LPAR3: variants seen among roughly 807,000 people sequenced by gnomAD.
LPAR3 encodes lysophosphatidic acid receptor 3.
In LPAR3, 7 loss-of-function variants were observed where a neutral mutation model predicts 17.8. The observed-to-expected ratio is 0.39, with a 90% CI of 0.22 to 0.74. The LOEUF is 0.74. Among genes scored for constraint, LPAR3 ranks in the 30% least tolerant of loss-of-function variants. The pLI is 0.40. For missense variants in LPAR3, 391 were observed against 453.4 expected, an observed-to-expected ratio of 0.86 and a Z score of 1.25; for synonymous variants, 179 against 179.9, an observed-to-expected ratio of 0.99 and a Z score of 0.04.
At chr1:84,888,571 C>T (rs1012853506) in intron 1 of LPAR3, among the ~76,000 whole-genome samples, 7 of 152,186 alleles carry the variant, frequency 4.6e-5, no homozygotes, top group African/African-American at 1.7e-4. Flanking sequence ...CTGGGGGCAG[C>T]TCCAGAATTT....
intron 2 of LPAR3, among the ~76,000 whole-genome samples, chr1:84,821,476 G>A (rs1415309451): frequency 1.3e-5 from 2 of 152,140 alleles, no homozygotes; most frequent in East Asian, 1.9e-4. Flanking sequence ...TGCTCAGGAC[G>A]GACTAGAGGT....
At position 84,861,280 on chromosome 1, in the gene LPAR3, G is replaced by A. The variant is rs576758821; in HGVS notation, c.736+4105C>T. Among the ~76,000 whole-genome samples the A allele has an allele frequency of 2.6e-5, 4 of 152,236 alleles. No individual in the cohort carries two copies. The South Asian group carries it at 8.3e-4, about 32-fold the overall frequency. On this transcript the variant is annotated intron_variant, in intron 2 of 2. Coordinates refer to ENST00000370611, the MANE Select transcript of LPAR3 (RefSeq NM_012152.3). ...TCAGGCAATTGAATTCTTACATGTA[G>A]TATGTAGGGAACTGGGGGCTTTCTC...
chr1:84,864,778 C>T (rs757492106), intron 2 of LPAR3, among the ~76,000 whole-genome samples: 16 of 151,730 alleles, frequency 1.1e-4, no homozygotes, highest in Non-Finnish European at 2.2e-4. Flanking sequence ...GTGAGTGAGG[C>T]TCCGGCAAAA....
intron 2 of LPAR3, among the ~76,000 whole-genome samples, chr1:84,848,245 A>G (rs72718718): frequency 0.012 from 1,802 of 152,312 alleles, 16 homozygotes; most frequent in South Asian, 0.034. Flanking sequence ...CATCTTATAT[A>G]GCTTCCTTCA....
chr1:84,844,502 T>C (rs1659562132), intron 2 of LPAR3, among the ~76,000 whole-genome samples: 1 of 152,238 alleles, frequency 6.6e-6, no homozygotes, highest in Non-Finnish European at 1.5e-5. Context: ...GACCTACTAA[T>C]TCTTGAATAA....
intron 2 of LPAR3, among the ~76,000 whole-genome samples, chr1:84,861,770 C>T (rs1476811911): frequency 6.6e-6 from 1 of 152,194 alleles, no homozygotes; most frequent in Non-Finnish European, 1.5e-5. Flanking sequence ...GTCCTTGACA[C>T]CAAACTGTCT....
rs918367857 is a variant in LPAR3 at position 84,813,616 on chromosome 1, A to G, written c.*230T>C. The G allele has an allele frequency of 2.8e-5, 14 of 500,738 alleles. No individual in the cohort carries two copies. Among genetic ancestry groups the G allele is most frequent in the Non-Finnish European group, 7.2e-6 (2 of 279,158 alleles). The allele number at this position is 500,738 out of a possible 1,614,324, so 31.0% of individuals were successfully genotyped here. A position where few individuals can be genotyped will look rare whatever the true frequency, so the allele number is the denominator to read the frequency against. The stretch of plus-strand genomic sequence containing the variant: ...GGAGCTCTGAGCAGTTCATAGGACA[A>G]GCAGGGACCCGCCGAACCTCTCCCG... On this transcript the variant is annotated 3_prime_UTR_variant, in exon 3 of 3. Transcript: ENST00000370611.
intron 1 of LPAR3, among the ~76,000 whole-genome samples, chr1:84,887,121 T>C (rs191208564): frequency 8.7e-4 from 132 of 152,166 alleles, no homozygotes; most frequent in African/African-American, 2.9e-3. Flanking sequence ...TCCCAGCACT[T>C]TGGGAGGCCA....
intron 2 of LPAR3, among the ~76,000 whole-genome samples, chr1:84,832,956 G>C (rs1033819992): frequency 1.3e-5 from 2 of 152,196 alleles, no homozygotes; most frequent in Non-Finnish European, 2.9e-5. Context: ...AAGTCAAAAT[G>C]TGTAAACAAA....
chr1:84,889,011 T>A (rs1196519024), intron 1 of LPAR3, among the ~76,000 whole-genome samples: 1 of 151,664 alleles, frequency 6.6e-6, no homozygotes, highest in East Asian at 1.9e-4. Flanking sequence ...TGAAGAGGGG[T>A]GACAGAATCA....
In LPAR3 at chr1:84,869,239, T is replaced by A. The variant is rs557888963; in HGVS notation, c.-18-3101A>T. ...CTTCAAAAATCTTCAAATTCAACTG[T>A]CCCTTGTCAAAACCAAAACAGTTTA... On this transcript the variant is annotated intron_variant, in intron 1 of 2. Transcript: ENST00000370611. 1.7e-4 allele frequency among the ~76,000 whole-genome samples: 26 copies of A among 152,296 alleles called. 1 individual carries two copies. The South Asian group carries it at 5.4e-3, about 32-fold the overall frequency.
At position 84,880,747 on chromosome 1, in the gene LPAR3, C is replaced by G. The variant is rs190458398; in HGVS notation, c.-19+12269G>C. Among the ~76,000 whole-genome samples the G allele has an allele frequency of 2.6e-3, 399 of 152,334 alleles. 2 individuals carry two copies. The highest frequency in any genetic ancestry group is 5.7e-3 in the Admixed American group (87 of 15,308). On this transcript the variant is annotated intron_variant, in intron 1 of 2. Transcript: ENST00000370611. ...AGGAATTGTAGTACCAGGGAAGCCA[C>G]AGTTTGGCCCAGAAAGGCCCACGTT...
Position 84,813,126 on chromosome 1 carries a change from A to AATATATATATATGTATATAT in LPAR3, c.*719_*720insATATATACATATATATATAT, listed in dbSNP as rs1658846862. On this transcript the variant is annotated 3_prime_UTR_variant, in exon 3 of 3. Transcript: ENST00000370611. ...ATCAATAAAAATCAGTAAAAACAGG[A>AATATATATATATGTATATAT]ATATATATATATATATATATATATA... 1 of 71,598 alleles carries AATATATATATATGTATATAT rather than the reference A, an allele frequency of 1.4e-5. No homozygotes were observed. Among genetic ancestry groups the AATATATATATATGTATATAT allele is most frequent in the Non-Finnish European group, 2.4e-5 (1 of 41,302 alleles). The allele number at this position is 71,598 out of a possible 1,614,324, so 4.4% of individuals were successfully genotyped here.
At chr1:84,885,493 T>C (rs972309719) in intron 1 of LPAR3, among the ~76,000 whole-genome samples, 1 of 152,256 alleles carries the variant, frequency 6.6e-6, no homozygotes, top group East Asian at 1.9e-4. Flanking sequence ...CTTTAAAATA[T>C]ATACACTATT....
chr1:84,856,109 G>A (rs1454682841), intron 2 of LPAR3, among the ~76,000 whole-genome samples: 1 of 152,116 alleles, frequency 6.6e-6, no homozygotes, highest in Non-Finnish European at 1.5e-5. Context: ...ACCGATTGAC[G>A]GCCTGCCCTG....
At position 84,813,824 on chromosome 1, in the gene LPAR3, TG is replaced by T; in HGVS notation, c.*21del. 6.3e-7 allele frequency: 1 copy of T among 1,593,986 alleles called. No individual in the cohort carries two copies. The highest frequency in any genetic ancestry group is 8.6e-7 in the Non-Finnish European group (1 of 1,164,748). On this transcript the variant is annotated 3_prime_UTR_variant, in exon 3 of 3. Coordinates refer to ENST00000370611, the MANE Select transcript of LPAR3 (RefSeq NM_012152.3). ...GCTCTTTTCCCAGAGGAGGCCTGGG[TG>T]GGCCGAGAGGCATCCAGAGTTTAGG...
intron 1 of LPAR3, among the ~76,000 whole-genome samples, chr1:84,874,543 C>A (rs1242773246): frequency 6.6e-6 from 1 of 152,122 alleles, no homozygotes; most frequent in African/African-American, 2.4e-5. Context: ...AACAGGAAAG[C>A]AAACATGAAA....
intron 2 of LPAR3, among the ~76,000 whole-genome samples, chr1:84,840,164 T>G (rs1338005933): frequency 1.3e-5 from 2 of 152,198 alleles, no homozygotes; most frequent in African/African-American, 4.8e-5. Flanking sequence ...GCTCAGGCAG[T>G]TCTCCTGCCT....
At chr1:84,834,708 T>C (rs1318076298) in intron 2 of LPAR3, among the ~76,000 whole-genome samples, 2 of 152,208 alleles carry the variant, frequency 1.3e-5, no homozygotes, top group African/African-American at 4.8e-5. Flanking sequence ...CCCATTCTTA[T>C]ACAAAGTCTT....
Sources: allele counts gnomAD v4.1 joint callset (sites outside exome capture counted in the v4.1 genomes callset), GRCh38; gene constraint gnomAD v4.1.1; transcripts MANE v1.5; gene names NCBI Gene and HGNC (gene_info 2026-07-23, HGNC 2026-07-21).